The following CFAP299 variants were observed in gnomAD, a reference collection of about 807,000 sequenced individuals.
CFAP299 encodes cilia- and flagella-associated protein 299.
In CFAP299, 21 loss-of-function variants were observed where a neutral mutation model predicts 27.0. That is an observed-to-expected ratio of 0.78 (90% confidence interval 0.55 to 1.12). The LOEUF (loss-of-function observed/expected upper bound fraction) is 1.12, where lower values mean the gene tolerates loss of function less well. Ranked by LOEUF, CFAP299 falls within the 50% of genes most tolerant of loss-of-function variation. The pLI is 0.00. For synonymous variants in CFAP299, 104 were observed against 98.1 expected (o/e 1.06, Z -0.36); for missense variants, 310 against 276.6 (o/e 1.12, Z -0.86).
intron 2 of CFAP299, among the ~76,000 whole-genome samples, chr4:80,578,475 A>G (rs1244803315): frequency 1.3e-5 from 2 of 152,164 alleles, no homozygotes; most frequent in Non-Finnish European, 1.5e-5. Flanking sequence ...TCCCAAATTT[A>G]TATAATACTT....
intron 3 of CFAP299, among the ~76,000 whole-genome samples, chr4:80,657,843 G>C (rs1194775088): frequency 6.6e-6 from 1 of 152,078 alleles, no homozygotes; most frequent in Non-Finnish European, 1.5e-5. Context: ...TCATGATATT[G>C]ATTCTTCCTA....
intron 3 of CFAP299, among the ~76,000 whole-genome samples, chr4:80,816,765 C>T (rs74796225): frequency 0.047 from 7,158 of 152,142 alleles, 297 homozygotes; most frequent in East Asian, 0.22. Context: ...AATGTTTTAG[C>T]TTCCCTGGGC....
intron 3 of CFAP299, among the ~76,000 whole-genome samples, chr4:80,775,172 A>G (rs1336597886): frequency 1.3e-5 from 2 of 151,948 alleles, no homozygotes; most frequent in Non-Finnish European, 2.9e-5. Flanking sequence ...ACCTATATAT[A>G]AATCCCTATA....
intron 2 of CFAP299, among the ~76,000 whole-genome samples, chr4:80,561,966 G>T (rs1041653326): frequency 6.6e-6 from 1 of 152,014 alleles, no homozygotes; most frequent in Non-Finnish European, 1.5e-5. Flanking sequence ...TGGACAATGT[G>T]GTAAGATATA....
At chr4:80,387,469 T>G in intron 2 of CFAP299, 1 of 819,186 alleles carries the variant, frequency 1.2e-6, no homozygotes, top group South Asian at 1.5e-5. Context: ...GTTTCCGGCT[T>G]GCCCCTTGCT....
chr4:80,471,321 G>C lies in CFAP299; in HGVS notation c.242+108437G>C, dbSNP rs113161003. Among the ~76,000 whole-genome samples, 70 of 151,682 alleles carry C rather than the reference G, an allele frequency of 4.6e-4. 1 individual carries two copies. The highest frequency in any genetic ancestry group is 1.6e-3 in the African/African-American group (65 of 41,358). On this transcript the variant is annotated intron_variant, in intron 2 of 5. Transcript: ENST00000358105. ...TACCAAAAAGCAACATCCTAAAAAT[G>C]AAAAATGTTTTCCAAACCCAACCAA...
chr4:80,386,281 G>C, intron 2 of CFAP299: 1 of 1,238,384 alleles, frequency 8.1e-7, no homozygotes, highest in East Asian at 2.4e-5. Flanking sequence ...CAGCCCCTCA[G>C]CTGTCCAGGT....
chr4:80,604,309 A>C (rs993528321), intron 3 of CFAP299, among the ~76,000 whole-genome samples: 6 of 151,688 alleles, frequency 4.0e-5, no homozygotes, highest in African/African-American at 1.2e-4. Flanking sequence ...ATGCAAGCTG[A>C]TGCACTTTTT....
intron 3 of CFAP299, among the ~76,000 whole-genome samples, chr4:80,643,747 C>T (rs923704107): frequency 2.7e-4 from 41 of 152,106 alleles, no homozygotes; most frequent in Non-Finnish European, 2.5e-4. Flanking sequence ...TTAGGTACCC[C>T]TTCACTCCAG....
chr4:80,565,447 T>C (rs1366806725), intron 2 of CFAP299, among the ~76,000 whole-genome samples: 1 of 152,034 alleles, frequency 6.6e-6, no homozygotes, highest in Non-Finnish European at 1.5e-5. Flanking sequence ...GACTAATTCT[T>C]TTTTTAAAAA....
At chr4:80,663,928 G>A (rs1741002040) in intron 3 of CFAP299, among the ~76,000 whole-genome samples, 1 of 152,066 alleles carries the variant, frequency 6.6e-6, no homozygotes, top group Non-Finnish European at 1.5e-5. Context: ...GCCGCATAAT[G>A]TCTTCTTTTG....
chr4:80,583,110 G>A lies in CFAP299; in HGVS notation c.260G>A (p.Gly87Asp). Residue 87 changes from glycine (G) to aspartate (D), a missense_variant, in exon 3 of 6, where the codon GGT becomes GAT. Coordinates refer to ENST00000358105, the MANE Select transcript of CFAP299 (RefSeq NM_152770.3). Reference sequence around the variant, plus strand: ...TTTTACAGGACGCTAACAAGTGCTGGTAAAGACCTACAAGATAATTTTCTG... The same window carrying A: ...TTTTACAGGACGCTAACAAGTGCTGATAAAGACCTACAAGATAATTTTCTG... ...RAQQKTLTSAGKDLQDNFLTA... is the reference protein window; with the variant it reads ...RAQQKTLTSADKDLQDNFLTA... The A allele has an allele frequency of 6.2e-7, 1 of 1,603,370 alleles. No homozygotes were observed. Among genetic ancestry groups the A allele is most frequent in the Middle Eastern group, 1.7e-4 (1 of 6,018 alleles).
intron 4 of CFAP299, among the ~76,000 whole-genome samples, chr4:80,937,994 CACAA>C (rs558917104): frequency 2.4e-4 from 37 of 152,264 alleles, no homozygotes; most frequent in Non-Finnish European, 4.6e-4. Context: ...TAACTTTGAT[CACAA>C]ACAAATTCTA....
intron 4 of CFAP299, among the ~76,000 whole-genome samples, chr4:80,910,144 T>C (rs1046314623): frequency 2.6e-5 from 4 of 152,146 alleles, no homozygotes; most frequent in African/African-American, 9.6e-5. Flanking sequence ...GTTTATTTGA[T>C]ATAAATGATT....
rs1426576312 is a variant in CFAP299, at chr4:80,800,390, A to G, written c.334-69603A>G. 4.8e-4 allele frequency among the ~76,000 whole-genome samples: 28 copies of G among 57,956 alleles called. 1 individual carries two copies. The highest frequency in any genetic ancestry group is 2.5e-3 in the African/African-American group (26 of 10,244). 38.0% of individuals were successfully genotyped at this position (57,956 alleles called of 152,430 possible). A position where few individuals can be genotyped will look rare whatever the true frequency, so the allele number is the denominator to read the frequency against. On this transcript the variant is annotated intron_variant, in intron 3 of 5. Coordinates refer to ENST00000358105, the MANE Select transcript of CFAP299 (RefSeq NM_152770.3). ...ATATAATATATATAATATATAATAT[A>G]TTAATATAATATATATTGATATATT...
chr4:80,504,337 A>G (rs1370385314), intron 2 of CFAP299, among the ~76,000 whole-genome samples: 1 of 151,294 alleles, frequency 6.6e-6, no homozygotes, highest in Non-Finnish European at 1.5e-5. Flanking sequence ...CACAAATAAG[A>G]GAGCTGCCAT....
At chr4:80,478,533 A>G (rs1212521318) in intron 2 of CFAP299, among the ~76,000 whole-genome samples, 2 of 152,124 alleles carry the variant, frequency 1.3e-5, no homozygotes, top group African/African-American at 4.8e-5. Context: ...ATTTTGAAAA[A>G]CAATATTAAG....
chr4:80,447,612 G>T (rs1309720013), intron 2 of CFAP299, among the ~76,000 whole-genome samples: 2 of 151,782 alleles, frequency 1.3e-5, no homozygotes, highest in Non-Finnish European at 2.9e-5. Flanking sequence ...GCGCCACCAT[G>T]CCCTGCTAAT....
chr4:80,716,697 G>T (rs1722506063), intron 3 of CFAP299, among the ~76,000 whole-genome samples: 1 of 152,088 alleles, frequency 6.6e-6, no homozygotes, highest in Admixed American at 6.6e-5. Context: ...GAAATTACAT[G>T]ATAAAGCACC....
Sources: gnomAD v4.1 joint callset for allele counts (sites outside exome capture counted in the v4.1 genomes callset) on GRCh38, gnomAD v4.1.1 for gene constraint, MANE v1.5 for transcripts, NCBI Gene and HGNC (gene_info 2026-07-23, HGNC 2026-07-21) for gene names.